The following FAM217B variants were observed in gnomAD, a reference collection of about 807,000 sequenced individuals.
FAM217B encodes the protein protein FAM217B.
For missense variants in FAM217B, 463 were observed against 456.9 expected, an observed-to-expected ratio of 1.01 and a Z score of -0.12; for synonymous variants, 163 against 173.0, an observed-to-expected ratio of 0.94 and a Z score of 0.45.
chr20:59,936,771 T>C (rs201204259), upstream of FAM217B: 37 of 152,350 alleles, frequency 2.4e-4, no homozygotes, highest in East Asian at 3.9e-3. Context: ...TTCTAAAGCT[T>C]GGTCTTCTGT....
At chr20:59,939,355 C>T (rs2060883486), upstream of FAM217B, 1 of 1,610,918 alleles carries the variant, frequency 6.2e-7, no homozygotes, top group Non-Finnish European at 8.5e-7. Flanking sequence ...CACACGCGCA[C>T]CGTACCGCTG....
intron 1 of FAM217B, among the ~76,000 whole-genome samples, chr20:59,935,368 C>T (rs972385698): frequency 6.6e-6 from 1 of 152,010 alleles, no homozygotes; most frequent in Non-Finnish European, 1.5e-5. Flanking sequence ...AGTAAACATC[C>T]GTAAACTACA....
upstream of FAM217B, chr20:59,939,868 G>T: frequency 8.0e-7 from 1 of 1,246,810 alleles, no homozygotes; most frequent in South Asian, 3.9e-5. Context: ...CTGAGGCTCC[G>T]GGGGCCGAGC....
Position 59,940,395 on chromosome 20 carries a change from GC to G in FAM217B, c.-341del, listed in dbSNP as rs1049560508. 7.2e-5 allele frequency: 11 copies of G among 152,630 alleles called. No individual in the cohort carries two copies. The highest frequency in any genetic ancestry group is 2.7e-4 in the African/African-American group (11 of 41,426). The allele number at this position is 152,630 out of a possible 1,614,324, so 9.5% of individuals were successfully genotyped here. A position where few individuals can be genotyped will look rare whatever the true frequency, so the allele number is the denominator to read the frequency against. ...GCGGGCCCCCGCCGGCCTCAGCTCA[GC>G]CAGGGAGCTCAGCGGAGCTGCGCGC... On this transcript the variant is annotated 5_prime_UTR_variant, in exon 1 of 4. Coordinates refer to ENST00000360816, the MANE Select transcript of FAM217B (RefSeq NM_022106.3).
At chr20:59,940,003 TG>T, upstream of FAM217B, 1 of 1,192,590 alleles carries the variant, frequency 8.4e-7, no homozygotes, top group South Asian at 4.4e-5. Context: ...GCTCCCTCCG[TG>T]CTCAGAAGCC....
Position 59,945,038 on chromosome 20 carries a change from G to A in FAM217B, c.1095G>A (p.Ser365=), listed in dbSNP as rs772586358. The change falls in exon 4 of 4, where the codon TCG becomes TCA. Residue 365 remains serine, a synonymous_variant. Coordinates refer to ENST00000360816, the MANE Select transcript of FAM217B (RefSeq NM_022106.3). ...KAESCGHATV[S]SEKKLKTNGV... Reference sequence around the variant, plus strand: ...AGAGCTGTGGTCATGCCACTGTATCGAGTGAGAAAAAACTGAAAACAAACG... The same window carrying A: ...AGAGCTGTGGTCATGCCACTGTATCAAGTGAGAAAAAACTGAAAACAAACG... 11 of 1,605,512 alleles carry A rather than the reference G, an allele frequency of 6.9e-6. No individual in the cohort carries two copies. The highest frequency in any genetic ancestry group is 1.1e-5 in the South Asian group (1 of 89,348).
At chr20:59,939,744 CG>C, upstream of FAM217B, 1 of 1,233,314 alleles carries the variant, frequency 8.1e-7, no homozygotes, top group Non-Finnish European at 1.0e-6. Context: ...GGGCCGCAGG[CG>C]GGGGTCGCAG....
rs1020214472 is a variant in FAM217B, at chr20:59,945,457, CA to C, written c.*363del. On this transcript the variant is annotated 3_prime_UTR_variant, in exon 4 of 4. Coordinates refer to ENST00000360816, the MANE Select transcript of FAM217B (RefSeq NM_022106.3). ...GCTAGTGGTGTTACCTCCCCATTTT[CA>C]CATGCACGTAAGTATATGAAATAGT... The C allele has an allele frequency of 3.2e-4, 63 of 198,998 alleles. 1 individual carries two copies. Among genetic ancestry groups the C allele is most frequent in the Non-Finnish European group, 2.5e-4 (22 of 87,070 alleles). 12.3% of individuals were successfully genotyped at this position (198,998 alleles called of 1,614,324 possible).
At chr20:59,936,640 TACA>T (rs796850461), upstream of FAM217B, 10 of 152,310 alleles carry the variant, frequency 6.6e-5, no homozygotes, top group African/African-American at 2.2e-4. Context: ...CAAAGACACA[TACA>T]ACAACTCTGC....
rs1379620612 is a variant in FAM217B, at chr20:59,946,921, G to A, written c.*1826G>A. On this transcript the variant is annotated 3_prime_UTR_variant, in exon 4 of 4. Transcript: ENST00000360816. ...CTTTTTTGTGAGCACAGATTAGTCT[G>A]TTATCCATGGCTGGCACTTCACTTA... The A allele has an allele frequency of 6.0e-6, 1 of 167,018 alleles. No homozygotes were observed. Among genetic ancestry groups the A allele is most frequent in the African/African-American group, 2.4e-5 (1 of 41,428 alleles). 10.3% of individuals were successfully genotyped at this position (167,018 alleles called of 1,614,324 possible). A position where few individuals can be genotyped will look rare whatever the true frequency, so the allele number is the denominator to read the frequency against.
In FAM217B at chr20:59,944,153, C is replaced by T. The variant is rs764998896; in HGVS notation, c.210C>T (p.Ala70=). 22 of 1,614,040 alleles carry T rather than the reference C, an allele frequency of 1.4e-5. No homozygotes were observed. The South Asian group carries it at 2.2e-4, about 16-fold the overall frequency. The part of the protein sequence containing the change: ...RNPLGSRCQG[A]SGNKLFLDFQ... ...CACTCGGTTCCAGGTGTCAGGGGGCCTCAGGGAATAAACTGTTTCTTGATT... is the reference window on the plus strand; with the variant it reads ...CACTCGGTTCCAGGTGTCAGGGGGCTTCAGGGAATAAACTGTTTCTTGATT... The change falls in exon 4 of 4, where the codon GCC becomes GCT. Residue 70 remains alanine (A), a synonymous_variant. Transcript: ENST00000360816.
chr20:59,945,201 T>A lies in FAM217B; in HGVS notation c.*106T>A. On this transcript the variant is annotated 3_prime_UTR_variant, in exon 4 of 4. Transcript: ENST00000360816. ...TAAGGAATTTTACAAATACTGACAT[T>A]TAAGTAGTTGACTGGCATTTTTGTC... is the stretch of plus-strand genomic sequence containing the variant. 9.9e-7 allele frequency: 1 copy of A among 1,010,586 alleles called. No homozygotes were observed. The highest frequency in any genetic ancestry group is 1.4e-6 in the Non-Finnish European group (1 of 707,426). 62.6% of individuals were successfully genotyped at this position (1,010,586 alleles called of 1,614,324 possible).
At chr20:59,939,322 C>G, upstream of FAM217B, 1 of 1,611,966 alleles carries the variant, frequency 6.2e-7, no homozygotes, top group Non-Finnish European at 8.5e-7. Context: ...CGCACAGCCA[C>G]CTGCTTCTCG....
intron 1 of FAM217B, among the ~76,000 whole-genome samples, chr20:59,941,363 TG>T (rs2060903847): frequency 1.3e-5 from 2 of 152,198 alleles, no homozygotes; most frequent in African/African-American, 4.8e-5. Flanking sequence ...ATTCATGAAA[TG>T]TGAGAGAATG....
At chr20:59,938,340 G>GCC (rs1424463136), upstream of FAM217B, 2 of 152,214 alleles carry the variant, frequency 1.3e-5, no homozygotes, top group Non-Finnish European at 2.9e-5. Context: ...TGTTAATGTA[G>GCC]GAGACACACA....
At chr20:59,942,129 A>C (rs931076368) in intron 1 of FAM217B, 69 bp from the exon 2 acceptor site, 2 of 152,584 alleles carry the variant, frequency 1.3e-5, no homozygotes, top group Admixed American at 1.3e-4. Flanking sequence ...ACAAGTGAAA[A>C]ACCAACCCGA....
chr20:59,939,902 C>A, upstream of FAM217B: 1 of 1,254,048 alleles, frequency 8.0e-7, no homozygotes, highest in Middle Eastern at 3.1e-4. Context: ...GGGCGCTAGG[C>A]AGGACCGCGG....
chr20:59,944,432 C>T lies in FAM217B; in HGVS notation c.489C>T (p.Asn163=), dbSNP rs149582002. 9.6e-4 allele frequency: 1,543 copies of T among 1,613,792 alleles called. 22 individuals are homozygous for T. In the East Asian group the frequency reaches 0.032, roughly 33 times the overall value. The change falls in exon 4 of 4, where the codon AAC becomes AAT. Residue 163 remains asparagine, a synonymous_variant. Transcript: ENST00000360816. The part of the protein sequence containing the change: ...WDLRDMALLL[N]AENKTEAVPR... ...TACGAGATATGGCCCTGCTTCTGAA[C>T]GCAGAGAACAAAACGGAAGCCGTGC...
At chr20:59,941,862 A>G (rs933383423) in intron 1 of FAM217B, among the ~76,000 whole-genome samples, 1 of 152,180 alleles carries the variant, frequency 6.6e-6, no homozygotes, top group African/African-American at 2.4e-5. Flanking sequence ...AGCCTTCCAG[A>G]TTTCTTCAAC....
Sources: allele counts gnomAD v4.1 joint callset (sites outside exome capture counted in the v4.1 genomes callset), GRCh38; gene constraint gnomAD v4.1.1; transcripts MANE v1.5; gene names NCBI Gene and HGNC (gene_info 2026-07-23, HGNC 2026-07-21).